TIAM1: variants seen among roughly 807,000 people sequenced by gnomAD.
The protein encoded by TIAM1 is TIAM Rac1 associated GEF 1.
TIAM1 carries 65 observed loss-of-function variants against 163.5 expected under a neutral mutation model. The observed-to-expected ratio is 0.40, with a 90% CI of 0.33 to 0.49. TIAM1 has a LOEUF of 0.49. Among genes scored for constraint, TIAM1 ranks in the 20% least tolerant of loss-of-function variants. The pLI is 0.77. For synonymous variants in TIAM1, 833 were observed against 810.1 expected (o/e 1.03, Z -0.48); for missense variants, 1,789 against 2,044.7 (o/e 0.87, Z 2.41).
In TIAM1 at chr21:31,211,080, T is replaced by A. The variant is rs143762514; in HGVS notation, c.2218-865A>T. 2.9e-3 allele frequency among the ~76,000 whole-genome samples: 437 copies of A among 151,878 alleles called. 1 individual carries two copies. The highest frequency in any genetic ancestry group is 9.6e-3 in the African/African-American group (397 of 41,440). ...CAGAGACAATTCAGTTTTCTGGAGG[T>A]CAAAGAACTTGACGGATAACATCAT... On this transcript the variant is annotated intron_variant, in intron 10 of 27. Coordinates refer to ENST00000541036, the MANE Select transcript of TIAM1 (RefSeq NM_001353694.2).
At chr21:31,191,579 C>T (rs1297119864) in intron 13 of TIAM1, among the ~76,000 whole-genome samples, 1 of 152,194 alleles carries the variant, frequency 6.6e-6, no homozygotes, top group African/African-American at 2.4e-5. Flanking sequence ...TTGCCACAAC[C>T]TCCAAGCATG....
intron 2 of TIAM1, among the ~76,000 whole-genome samples, chr21:31,421,883 G>A (rs565434223): frequency 2.0e-5 from 3 of 152,196 alleles, no homozygotes; most frequent in East Asian, 1.9e-4. Flanking sequence ...CTAGCTACTC[G>A]CGAGGCTGAA....
chr21:31,241,760 G>A (rs1322949487), intron 6 of TIAM1, among the ~76,000 whole-genome samples: 1 of 152,188 alleles, frequency 6.6e-6, no homozygotes. Context: ...TCATCCCAGT[G>A]GGTTGGGAGA....
chr21:31,423,875 C>A (rs1475090299), intron 2 of TIAM1, among the ~76,000 whole-genome samples: 10 of 73,006 alleles, frequency 1.4e-4, no homozygotes, highest in East Asian at 4.1e-4. Context: ...GGGGGGGGGT[C>A]AAGGGAGTTG....
intron 16 of TIAM1, chr21:31,160,895 G>A (rs2083883785): frequency 6.0e-6 from 1 of 166,512 alleles, no homozygotes; most frequent in Admixed American, 6.4e-5. Flanking sequence ...TGCCTCCCCG[G>A]GATGTAAGCG....
At chr21:31,425,178 A>G (rs1169097844) in intron 2 of TIAM1, among the ~76,000 whole-genome samples, 1 of 152,162 alleles carries the variant, frequency 6.6e-6, no homozygotes, top group South Asian at 2.1e-4. Context: ...CTCATCCTGA[A>G]CTCTCTTCCA....
In TIAM1 at chr21:31,312,579, T is replaced by C. The variant is rs746021408; in HGVS notation, c.-189+26664A>G. 1.8e-3 allele frequency among the ~76,000 whole-genome samples: 273 copies of C among 152,282 alleles called. 3 individuals carry two copies. Among genetic ancestry groups the C allele is most frequent in the Non-Finnish European group, 7.2e-4 (49 of 68,012 alleles). On this transcript the variant is annotated intron_variant, in intron 2 of 27. Transcript: ENST00000541036. ...AAATTATTTCTCTTCTTAAGAAACA[T>C]ACATACACCCAAAAGGAAAAAAATC...
intron 15 of TIAM1, among the ~76,000 whole-genome samples, chr21:31,175,220 C>T (rs775247877): frequency 2.0e-5 from 3 of 152,014 alleles, no homozygotes; most frequent in South Asian, 2.1e-4. Context: ...TGGGATTACA[C>T]GTGTGAGCCA....
chr21:31,245,752 G>A, intron 5 of TIAM1, 92 bp from the exon 6 acceptor site: 1 of 1,207,230 alleles, frequency 8.3e-7, no homozygotes, highest in East Asian at 3.1e-5. Context: ...CCCTGTCAGA[G>A]GCTGAAAATT....
At chr21:31,339,512 G>A (rs373524528) in intron 1 of TIAM1, 90 bp from the exon 2 acceptor site, 2 of 397,500 alleles carry the variant, frequency 5.0e-6, no homozygotes, top group Admixed American at 4.4e-5. Context: ...AAACATTAAC[G>A]TGATAACACA....
At chr21:31,215,415 G>A (rs1374547871) in intron 9 of TIAM1, among the ~76,000 whole-genome samples, 3 of 151,972 alleles carry the variant, frequency 2.0e-5, no homozygotes, top group African/African-American at 7.2e-5. Flanking sequence ...ACAAAAGTTA[G>A]CTGGGTGTGG....
chr21:31,164,293 G>C (rs905568399), intron 16 of TIAM1, among the ~76,000 whole-genome samples: 1 of 151,956 alleles, frequency 6.6e-6, no homozygotes, highest in Non-Finnish European at 1.5e-5. Flanking sequence ...GGGAGGCTGA[G>C]GCAGAAGAAT....
intron 2 of TIAM1, among the ~76,000 whole-genome samples, chr21:31,289,658 T>C (rs995645158): frequency 2.0e-5 from 3 of 152,166 alleles, no homozygotes; most frequent in African/African-American, 7.2e-5. Flanking sequence ...TCAGATTTGT[T>C]ATGTAGAAGA....
intron 2 of TIAM1, among the ~76,000 whole-genome samples, chr21:31,363,095 G>T (rs762565402): frequency 6.6e-6 from 1 of 152,104 alleles, no homozygotes; most frequent in Non-Finnish European, 1.5e-5. Flanking sequence ...CCAGGGGTGG[G>T]TTCACGATCG....
chr21:31,493,086 T>A (rs2147426172), intron 1 of TIAM1, among the ~76,000 whole-genome samples: 1 of 152,276 alleles, frequency 6.6e-6, no homozygotes, highest in African/African-American at 2.4e-5. Flanking sequence ...CTCACTGACC[T>A]TCTTACCTTT....
chr21:31,476,090 C>T (rs747280990), intron 1 of TIAM1, among the ~76,000 whole-genome samples: 7 of 152,182 alleles, frequency 4.6e-5, no homozygotes, highest in Non-Finnish European at 7.3e-5. Context: ...TTTGGCAGGA[C>T]AAACGAAATA....
intron 1 of TIAM1, among the ~76,000 whole-genome samples, chr21:31,557,896 T>A (rs1235294685): frequency 6.6e-6 from 1 of 151,852 alleles, no homozygotes; most frequent in African/African-American, 2.4e-5. Flanking sequence ...GACCCCAGGC[T>A]GGGACACGGG....
chr21:31,540,975 T>C (rs1291225696), intron 1 of TIAM1, among the ~76,000 whole-genome samples: 4 of 152,204 alleles, frequency 2.6e-5, no homozygotes, highest in Admixed American at 6.5e-5. Context: ...TATTGATAAA[T>C]TCATATATGG....
chr21:31,228,219 TTAAA>T (rs1346727765), intron 6 of TIAM1, among the ~76,000 whole-genome samples: 835 of 17,546 alleles, frequency 0.048, 16 homozygotes, highest in Non-Finnish European at 0.061. Flanking sequence ...CCTCCTTTTT[TTAAA>T]AAAAAAAAAA....
Sources: allele counts gnomAD v4.1 joint callset (sites outside exome capture counted in the v4.1 genomes callset), GRCh38; gene constraint gnomAD v4.1.1; transcripts MANE v1.5; gene names NCBI Gene and HGNC (gene_info 2026-07-23, HGNC 2026-07-21).